The following ASXL3 variants were observed in gnomAD, a reference collection of about 807,000 sequenced individuals.
The protein encoded by ASXL3 is putative Polycomb group protein ASXL3.
Under a neutral mutation model 170.6 loss-of-function variants are expected in ASXL3, and 34 were observed. The ratio of observed to expected loss-of-function variants is 0.20; its 90% confidence interval spans 0.15 to 0.27. The LOEUF (loss-of-function observed/expected upper bound fraction) is 0.27, where lower values mean the gene tolerates loss of function less well. Ranked by LOEUF, ASXL3 falls within the 10% of genes least tolerant of loss-of-function variation. ASXL3 has a pLI of 1.00. For missense variants in ASXL3, 2,592 were observed against 2,695.3 expected (o/e 0.96, Z 0.85); for synonymous variants, 1,002 against 989.1 (o/e 1.01, Z -0.24).
intron 5 of ASXL3, among the ~76,000 whole-genome samples, chr18:33,662,948 T>C (rs1245738235): frequency 6.6e-6 from 1 of 152,152 alleles, no homozygotes; most frequent in East Asian, 1.9e-4. Context: ...GAAAGAAACT[T>C]AACATGGTTA....
chr18:33,677,611 A>G (rs2066448959), intron 7 of ASXL3, among the ~76,000 whole-genome samples: 1 of 152,212 alleles, frequency 6.6e-6, no homozygotes, highest in South Asian at 2.1e-4. Flanking sequence ...ATTACACTAC[A>G]GACCTTCCTA....
chr18:33,614,434 A>G (rs1250294662), intron 2 of ASXL3: 2 of 152,158 alleles, frequency 1.3e-5, no homozygotes, highest in Admixed American at 6.6e-5. Flanking sequence ...TGTTTCTACC[A>G]CATCTGCAGT....
intron 8 of ASXL3, among the ~76,000 whole-genome samples, chr18:33,712,590 GT>G (rs1462178791): frequency 6.6e-6 from 1 of 152,098 alleles, no homozygotes; most frequent in Non-Finnish European, 1.5e-5. Context: ...TTTGAAGCTA[GT>G]TTTCCTGATA....
intron 1 of ASXL3, chr18:33,605,392 C>G (rs2065235340): frequency 6.6e-6 from 1 of 152,022 alleles, no homozygotes; most frequent in Admixed American, 6.6e-5. Context: ...AAAGCTTGTT[C>G]ACACCCAGGA....
intron 7 of ASXL3, among the ~76,000 whole-genome samples, chr18:33,681,061 T>G (rs1388027522): frequency 3.9e-5 from 6 of 151,986 alleles, no homozygotes; most frequent in Non-Finnish European, 1.5e-5. Context: ...CAATAGCTAC[T>G]TCCAGAGTTT....
At chr18:33,586,270 G>A (rs1385683465) in intron 1 of ASXL3, among the ~76,000 whole-genome samples, 1 of 151,844 alleles carries the variant, frequency 6.6e-6, no homozygotes, top group Non-Finnish European at 1.5e-5. Flanking sequence ...AATCCTTGTT[G>A]ACATAGCCCC....
In ASXL3 at chr18:33,692,126, T is replaced by C. The variant is rs572880650; in HGVS notation, c.879+8558T>C. ...TGCAAAGGCAGAAAAGTACATTTTGTCTGTCAACACATAATTTGAAATGGC... is the reference window on the plus strand; with the variant it reads ...TGCAAAGGCAGAAAAGTACATTTTGCCTGTCAACACATAATTTGAAATGGC... On this transcript the variant is annotated intron_variant, in intron 8 of 11. Transcript: ENST00000269197. Among the ~76,000 whole-genome samples the C allele has an allele frequency of 4.6e-5, 7 of 152,302 alleles. No individual in the cohort carries two copies. In the East Asian group the frequency reaches 1.4e-3, roughly 29 times the overall value.
Position 33,685,605 on chromosome 18 carries a change from T to G in ASXL3, c.879+2037T>G, listed in dbSNP as rs2066581158. Among the ~76,000 whole-genome samples, 3 of 152,216 alleles carry G rather than the reference T, an allele frequency of 2.0e-5. No homozygotes were observed. The South Asian group carries it at 6.2e-4, about 32-fold the overall frequency. ...ATTTGCATTGCTATAAAGAAATGCC[T>G]GAGGCTGGGTAATTTATGAAGAAAA... On this transcript the variant is annotated intron_variant, in intron 8 of 11. Coordinates refer to ENST00000269197, the MANE Select transcript of ASXL3 (RefSeq NM_030632.3).
At chr18:33,593,467 C>T (rs2065097859) in intron 1 of ASXL3, among the ~76,000 whole-genome samples, 2 of 151,970 alleles carry the variant, frequency 1.3e-5, no homozygotes, top group African/African-American at 4.8e-5. Context: ...CTCACAGATT[C>T]CCCATTGAGC....
chr18:33,659,934 G>A (rs866169046), intron 4 of ASXL3, among the ~76,000 whole-genome samples: 3 of 151,894 alleles, frequency 2.0e-5, no homozygotes, highest in Non-Finnish European at 2.9e-5. Context: ...TTTCCTTGTC[G>A]GGGGCTGAGT....
intron 1 of ASXL3, among the ~76,000 whole-genome samples, chr18:33,584,474 C>T (rs1413605961): frequency 2.6e-5 from 4 of 152,006 alleles, no homozygotes; most frequent in South Asian, 2.1e-4. Flanking sequence ...ATAAGTCTTA[C>T]GATATGTATT....
chr18:33,683,613 T>G, intron 8 of ASXL3, 45 bp downstream of exon 8: 1 of 1,536,338 alleles, frequency 6.5e-7, no homozygotes, highest in South Asian at 1.2e-5. Flanking sequence ...CTAGTTATAT[T>G]ATGATGAAGT....
At chr18:33,740,472 T>G (rs2067644587) in intron 11 of ASXL3, 29 bp downstream of exon 11, 2 of 1,490,578 alleles carry the variant, frequency 1.3e-6, no homozygotes, top group African/African-American at 2.8e-5. Flanking sequence ...AAAAGGCAAT[T>G]CCGTAGATAG....
intron 8 of ASXL3, among the ~76,000 whole-genome samples, chr18:33,720,831 T>G (rs1251993003): frequency 6.6e-6 from 1 of 152,166 alleles, no homozygotes; most frequent in Non-Finnish European, 1.5e-5. Context: ...TTTTTGGAAT[T>G]TGAAAATGGA....
At chr18:33,723,617 C>T (rs1036170261) in intron 8 of ASXL3, among the ~76,000 whole-genome samples, 2 of 152,108 alleles carry the variant, frequency 1.3e-5, no homozygotes, top group African/African-American at 4.8e-5. Context: ...CTGTGAACAT[C>T]GTTGAAGTAA....
intron 2 of ASXL3, among the ~76,000 whole-genome samples, chr18:33,635,946 A>G (rs562016302): frequency 6.6e-6 from 1 of 152,344 alleles, no homozygotes; most frequent in African/African-American, 2.4e-5. Flanking sequence ...ATATAAAAAT[A>G]AATATGTCTA....
chr18:33,614,452 A>G, intron 2 of ASXL3: 1 of 152,228 alleles, frequency 6.6e-6, no homozygotes, highest in African/African-American at 2.4e-5. Context: ...AGTTAGTTCC[A>G]CCACTGAAGT....
intron 5 of ASXL3, among the ~76,000 whole-genome samples, chr18:33,667,181 G>T (rs1258119219): frequency 6.6e-6 from 1 of 152,132 alleles, no homozygotes; most frequent in Non-Finnish European, 1.5e-5. Context: ...CTCCCAGAAG[G>T]TTATGATGTC....
chr18:33,611,303 T>C (rs1330745417), intron 2 of ASXL3, among the ~76,000 whole-genome samples: 2 of 152,056 alleles, frequency 1.3e-5, no homozygotes, highest in African/African-American at 4.8e-5. Flanking sequence ...CAGAAGGACA[T>C]GTGGTTTTGT....
Sources: allele counts gnomAD v4.1 joint callset (sites outside exome capture counted in the v4.1 genomes callset), GRCh38; gene constraint gnomAD v4.1.1; transcripts MANE v1.5; gene names NCBI Gene and HGNC (gene_info 2026-07-23, HGNC 2026-07-21).